ASIC2: variants seen among roughly 807,000 people sequenced by gnomAD.
ASIC2 encodes the protein acid-sensing ion channel 2.
In ASIC2, 25 loss-of-function variants were observed where a neutral mutation model predicts 57.3. The observed-to-expected ratio is 0.44, with a 90% CI of 0.32 to 0.61. The LOEUF is 0.61. ASIC2 is among the 20% of genes least tolerant of loss of function. ASIC2 has a pLI of 0.06. For missense variants in ASIC2, 641 were observed against 738.1 expected (o/e 0.87, Z 1.52); for synonymous variants, 319 against 307.5 (o/e 1.04, Z -0.39).
At chr17:33,571,667 T>G (rs1360903861) in intron 1 of ASIC2, among the ~76,000 whole-genome samples, 3 of 152,258 alleles carry the variant, frequency 2.0e-5, no homozygotes, top group African/African-American at 7.2e-5. Context: ...TACAAGAGTC[T>G]TCTATATGCC....
At chr17:33,023,171 C>T (rs1225917885) in intron 6 of ASIC2, among the ~76,000 whole-genome samples, 1 of 152,050 alleles carries the variant, frequency 6.6e-6, no homozygotes, top group Non-Finnish European at 1.5e-5. Flanking sequence ...GCAAGGTCTG[C>T]CTGGAAAACT....
At chr17:33,291,129 A>G in intron 1 of ASIC2, 1 of 525,298 alleles carries the variant, frequency 1.9e-6, no homozygotes, top group South Asian at 4.8e-5. Context: ...ACGGGACCAT[A>G]AGGAGTAGAA....
chr17:33,563,755 T>C (rs916178640), intron 1 of ASIC2, among the ~76,000 whole-genome samples: 2 of 152,184 alleles, frequency 1.3e-5, no homozygotes, highest in Non-Finnish European at 2.9e-5. Flanking sequence ...GCTTTTAATA[T>C]GGCGAATCCA....
chr17:33,213,592 A>T (rs762485175), intron 1 of ASIC2, among the ~76,000 whole-genome samples: 5 of 152,186 alleles, frequency 3.3e-5, no homozygotes, highest in Non-Finnish European at 5.9e-5. Flanking sequence ...AGGTCCTGTT[A>T]CCATCGTCCT....
chr17:33,741,082 A>T (rs1356836887), intron 1 of ASIC2, among the ~76,000 whole-genome samples: 1 of 152,170 alleles, frequency 6.6e-6, no homozygotes, highest in African/African-American at 2.4e-5. Context: ...TTGGGAGTGC[A>T]CGGAGCTGTC....
chr17:33,837,872 CTG>C (rs1244421823), intron 1 of ASIC2, among the ~76,000 whole-genome samples: 1 of 152,152 alleles, frequency 6.6e-6, no homozygotes, highest in African/African-American at 2.4e-5. Context: ...ATCCAGGTCT[CTG>C]TGCTGTTCTC....
chr17:33,357,773 A>G (rs1908443760), intron 1 of ASIC2, among the ~76,000 whole-genome samples: 2 of 152,192 alleles, frequency 1.3e-5, no homozygotes, highest in Non-Finnish European at 2.9e-5. Context: ...AACTATCTAG[A>G]ACTTTATATA....
intron 1 of ASIC2, among the ~76,000 whole-genome samples, chr17:33,640,266 A>G (rs1366712683): frequency 6.6e-6 from 1 of 152,154 alleles, no homozygotes; most frequent in Non-Finnish European, 1.5e-5. Flanking sequence ...TGGGGGTGCA[A>G]GATATCTAGA....
At chr17:34,007,676 T>C (rs1906572020) in intron 1 of ASIC2, among the ~76,000 whole-genome samples, 1 of 152,244 alleles carries the variant, frequency 6.6e-6, no homozygotes, top group African/African-American at 2.4e-5. Context: ...TTCAGCATTC[T>C]GTGCCACCTC....
intron 1 of ASIC2, among the ~76,000 whole-genome samples, chr17:33,185,513 C>T (rs977028880): frequency 5.3e-5 from 8 of 152,050 alleles, no homozygotes; most frequent in Admixed American, 2.6e-4. Context: ...GCCCTGTGAT[C>T]GCCCTGCCTT....
intron 1 of ASIC2, among the ~76,000 whole-genome samples, chr17:33,132,935 T>G (rs2092353115): frequency 6.6e-6 from 1 of 152,240 alleles, no homozygotes. Context: ...TGTCCTACCT[T>G]GTTTCTCAAA....
chr17:33,627,910 G>C (rs547359078), intron 1 of ASIC2, among the ~76,000 whole-genome samples: 6 of 151,972 alleles, frequency 3.9e-5, no homozygotes, highest in African/African-American at 1.5e-4. Flanking sequence ...GGCATCTGTA[G>C]TCCCAGCTAC....
chr17:33,675,443 C>A (rs909045202), intron 1 of ASIC2, among the ~76,000 whole-genome samples: 1 of 152,192 alleles, frequency 6.6e-6, no homozygotes, highest in Non-Finnish European at 1.5e-5. Flanking sequence ...GAATCATGAG[C>A]TTAAGCAGAG....
Position 33,381,925 on chromosome 17 carries a change from G to A in ASIC2, c.556-269858C>T, listed in dbSNP as rs754467710. Among the ~76,000 whole-genome samples the A allele has an allele frequency of 2.4e-3, 371 of 152,230 alleles. 10 individuals are homozygous for A. The highest frequency in any genetic ancestry group is 6.3e-4 in the Non-Finnish European group (43 of 68,008). On this transcript the variant is annotated intron_variant, in intron 1 of 9. Transcript: ENST00000359872. ...GAACCAAAGTGAGGGATACACACTG[G>A]CACTGTTTTTGATGCATAAGAACTC...
intron 1 of ASIC2, among the ~76,000 whole-genome samples, chr17:33,599,384 G>T (rs1478958074): frequency 6.6e-6 from 1 of 152,182 alleles, no homozygotes; most frequent in Non-Finnish European, 1.5e-5. Context: ...GGTTGTGGTG[G>T]ACAAGAAGGG....
At chr17:34,033,816 A>T (rs1014038905) in intron 1 of ASIC2, among the ~76,000 whole-genome samples, 1 of 152,216 alleles carries the variant, frequency 6.6e-6, no homozygotes, top group African/African-American at 2.4e-5. Flanking sequence ...TAAACCAGGA[A>T]GTTGAATCTC....
intron 1 of ASIC2, among the ~76,000 whole-genome samples, chr17:34,055,398 C>T (rs1164929981): frequency 1.3e-5 from 2 of 152,314 alleles, no homozygotes; most frequent in South Asian, 2.1e-4. Flanking sequence ...CACTTGTTTA[C>T]TGTCTTTTTT....
chr17:34,025,754 C>T (rs186811212), intron 1 of ASIC2, among the ~76,000 whole-genome samples: 1 of 151,630 alleles, frequency 6.6e-6, no homozygotes, highest in Admixed American at 6.5e-5. Context: ...ACTCTCTAAG[C>T]CTCAGTTTCC....
At chr17:33,280,646 C>A (rs543586228) in intron 1 of ASIC2, among the ~76,000 whole-genome samples, 2 of 152,330 alleles carry the variant, frequency 1.3e-5, no homozygotes, top group East Asian at 1.9e-4. Flanking sequence ...TTATCCAAAT[C>A]ATCTTTCAAA....
Sources: allele counts gnomAD v4.1 joint callset (sites outside exome capture counted in the v4.1 genomes callset), GRCh38; gene constraint gnomAD v4.1.1; transcripts MANE v1.5; gene names NCBI Gene and HGNC (gene_info 2026-07-23, HGNC 2026-07-21).